Variants in CADPS2 observed in about 807,000 individuals in gnomAD.
CADPS2 encodes calcium dependent secretion activator 2, also known as calcium-dependent secretion activator 2.
A neutral mutation model predicts 172.5 loss-of-function variants in CADPS2; 93 were observed. The ratio of observed to expected loss-of-function variants is 0.54; its 90% CI spans 0.46 to 0.64. CADPS2 has a LOEUF of 0.64. Among genes scored for constraint, CADPS2 ranks in the 30% least tolerant of loss-of-function variants. CADPS2 has a pLI of 0.00. For missense variants in CADPS2, 1,420 were observed against 1,565.9 expected, an observed-to-expected ratio of 0.91 and a Z score of 1.57; for synonymous variants, 546 against 555.2, an observed-to-expected ratio of 0.98 and a Z score of 0.23.
At chr7:122,794,767 A>AC (rs1938794347) in intron 1 of CADPS2, among the ~76,000 whole-genome samples, 1 of 151,496 alleles carries the variant, frequency 6.6e-6, no homozygotes, top group Admixed American at 6.6e-5. Context: ...AAAAAAAAAA[A>AC]CCCTTTCTGA....
intron 8 of CADPS2, among the ~76,000 whole-genome samples, chr7:122,534,081 T>C (rs574244723): frequency 6.6e-6 from 1 of 152,240 alleles, no homozygotes; most frequent in African/African-American, 2.4e-5. Context: ...AATATTCACA[T>C]CTCCAGCTCT....
At chr7:122,372,579 T>C (rs924403410) in intron 25 of CADPS2, among the ~76,000 whole-genome samples, 3 of 152,160 alleles carry the variant, frequency 2.0e-5, no homozygotes, top group African/African-American at 7.2e-5. Context: ...GAAAGTGCAG[T>C]TTATTTTTAT....
Position 122,886,334 on chromosome 7 carries a change from G to A in CADPS2, c.4C>T (p.Leu2=). The A allele has an allele frequency of 6.7e-7, 1 of 1,499,414 alleles. No homozygotes were observed. 92.9% of individuals were successfully genotyped at this position (1,499,414 alleles called of 1,614,324 possible). A position where few individuals can be genotyped will look rare whatever the true frequency, so the allele number is the denominator to read the frequency against. ...TCCTCTTCGCTGGAAGACGGGTCCA[G>A]CATGGTGCTCGGGGATCCCCGCCGC... The part of the protein sequence containing the change: M[L]DPSSSEEESD... The change falls in exon 1 of 30, where the codon CTG becomes TTG. Residue 2 remains leucine (L), a synonymous_variant. Coordinates refer to ENST00000449022, the MANE Select transcript of CADPS2 (RefSeq NM_017954.11).
Position 122,786,657 on chromosome 7 carries a change from C to T in CADPS2, c.340-49589G>A, listed in dbSNP as rs146922328. Among the ~76,000 whole-genome samples the T allele has an allele frequency of 6.6e-5, 10 of 152,128 alleles. No individual in the cohort carries two copies. In the East Asian group the frequency reaches 9.6e-4, roughly 15 times the overall value. ...GATGTAAATTTTTTTACTACTGTTA[C>T]GAGTTTCGTGTTTAAGACAGGAATA... is the stretch of plus-strand genomic sequence containing the variant. On this transcript the variant is annotated intron_variant, in intron 1 of 29. Coordinates refer to ENST00000449022, the MANE Select transcript of CADPS2 (RefSeq NM_017954.11).
chr7:122,683,513 T>G (rs1287423626), intron 2 of CADPS2, among the ~76,000 whole-genome samples: 1 of 152,180 alleles, frequency 6.6e-6, no homozygotes, highest in Non-Finnish European at 1.5e-5. Context: ...TTCGTAACAA[T>G]TTTATATATT....
intron 3 of CADPS2, among the ~76,000 whole-genome samples, chr7:122,651,994 A>G (rs2079199985): frequency 1.3e-5 from 2 of 152,156 alleles, no homozygotes; most frequent in African/African-American, 4.8e-5. Context: ...GTAGTCAACG[A>G]TGTGAAGTTC....
chr7:122,629,379 A>G, intron 3 of CADPS2, 51 bp from the exon 4 acceptor site: 1 of 1,399,860 alleles, frequency 7.1e-7, no homozygotes, highest in Non-Finnish European at 9.8e-7. Flanking sequence ...ATCTATATAC[A>G]GTGACCCACA....
intron 7 of CADPS2, among the ~76,000 whole-genome samples, chr7:122,572,136 T>C (rs1412559271): frequency 6.6e-6 from 1 of 152,172 alleles, no homozygotes; most frequent in Non-Finnish European, 1.5e-5. Context: ...GCTAATTTTA[T>C]TGAAACAGCA....
At position 122,473,571 on chromosome 7, in the gene CADPS2, G is replaced by A. The variant is rs146375140; in HGVS notation, c.1998+810C>T. On this transcript the variant is annotated intron_variant, in intron 13 of 29. Transcript: ENST00000449022. ...TTCTGGTCCCAAGCATTTTGGATAA[G>A]GGATAGTCAACCTGTACTATGCTCA... Among the ~76,000 whole-genome samples, 91 of 152,268 alleles carry A rather than the reference G, an allele frequency of 6.0e-4. 1 individual carries two copies. Among genetic ancestry groups the A allele is most frequent in the African/African-American group, 2.1e-3 (89 of 41,564 alleles).
intron 8 of CADPS2, among the ~76,000 whole-genome samples, chr7:122,518,757 A>G (rs2060563298): frequency 6.6e-6 from 1 of 152,048 alleles, no homozygotes; most frequent in Non-Finnish European, 1.5e-5. Flanking sequence ...CTGGGAACAC[A>G]CATTTAACTG....
At chr7:122,526,053 C>A (rs906454429) in intron 8 of CADPS2, among the ~76,000 whole-genome samples, 1 of 152,132 alleles carries the variant, frequency 6.6e-6, no homozygotes, top group Non-Finnish European at 1.5e-5. Flanking sequence ...GAGGACACAG[C>A]TTTGCTCTTG....
At chr7:122,786,019 A>C (rs1793960032) in intron 1 of CADPS2, among the ~76,000 whole-genome samples, 1 of 152,174 alleles carries the variant, frequency 6.6e-6, no homozygotes, top group South Asian at 2.1e-4. Context: ...TATTTCATTA[A>C]CTTCTAGAAG....
chr7:122,368,709 G>A (rs574572260), intron 25 of CADPS2, among the ~76,000 whole-genome samples: 1 of 152,134 alleles, frequency 6.6e-6, no homozygotes, highest in African/African-American at 2.4e-5. Context: ...CTATAAAAAT[G>A]TTTGAAAAGT....
At chr7:122,463,851 C>T (rs2054781468) in intron 14 of CADPS2, among the ~76,000 whole-genome samples, 1 of 152,122 alleles carries the variant, frequency 6.6e-6, no homozygotes, top group Non-Finnish European at 1.5e-5. Context: ...AGTAAGATTT[C>T]TCACTGTTGA....
chr7:122,710,603 G>A (rs1305906314), intron 2 of CADPS2, among the ~76,000 whole-genome samples: 1 of 151,998 alleles, frequency 6.6e-6, no homozygotes, highest in East Asian at 1.9e-4. Context: ...AGCTTAGCTT[G>A]GTAGGTATTC....
chr7:122,852,435 T>A (rs1379022118), intron 1 of CADPS2, among the ~76,000 whole-genome samples: 5 of 152,126 alleles, frequency 3.3e-5, no homozygotes, highest in Non-Finnish European at 7.3e-5. Context: ...TAAGAGGTAA[T>A]TAGTGCAAAA....
intron 2 of CADPS2, among the ~76,000 whole-genome samples, chr7:122,687,444 T>C (rs1412725946): frequency 6.6e-6 from 1 of 152,230 alleles, no homozygotes; most frequent in East Asian, 1.9e-4. Context: ...GTTAAGACCA[T>C]GAGCTGTGGA....
chr7:122,555,985 T>G (rs2064983058), intron 7 of CADPS2, among the ~76,000 whole-genome samples: 1 of 152,030 alleles, frequency 6.6e-6, no homozygotes, highest in Admixed American at 6.6e-5. Flanking sequence ...TATTCTCAAC[T>G]TGCAAGTTGT....
intron 8 of CADPS2, among the ~76,000 whole-genome samples, chr7:122,537,000 C>A (rs1156928585): frequency 4.0e-5 from 6 of 151,762 alleles, no homozygotes; most frequent in African/African-American, 1.5e-4. Context: ...GAGGAGAAGA[C>A]CACATACTGA....
Sources: allele counts gnomAD v4.1 joint callset (sites outside exome capture counted in the v4.1 genomes callset), GRCh38; gene constraint gnomAD v4.1.1; transcripts MANE v1.5; gene names NCBI Gene and HGNC (gene_info 2026-07-23, HGNC 2026-07-21).